NT5C3A: variants seen among roughly 807,000 people sequenced by gnomAD.
NT5C3A encodes cytosolic 5'-nucleotidase 3A.
NT5C3A carries 23 observed loss-of-function variants against 40.0 expected under a neutral mutation model. The observed-to-expected ratio is 0.58, with a 90% CI of 0.41 to 0.81. The LOEUF is 0.81. NT5C3A is among the 40% of genes least tolerant of loss of function. NT5C3A has a pLI of 0.00. For synonymous variants in NT5C3A, 130 were observed against 141.4 expected, an observed-to-expected ratio of 0.92 and a Z score of 0.57; for missense variants, 328 against 403.0, an observed-to-expected ratio of 0.81 and a Z score of 1.59.
chr7:33,026,522 T>C (rs1785943756), intron 2 of NT5C3A, among the ~76,000 whole-genome samples: 1 of 151,844 alleles, frequency 6.6e-6, no homozygotes, highest in South Asian at 2.1e-4. Flanking sequence ...GCCCGGCTAA[T>C]TTTTGTATTT....
At chr7:33,017,697 T>A in intron 6 of NT5C3A, 96 bp from the exon 7 acceptor site, 1 of 940,704 alleles carries the variant, frequency 1.1e-6, no homozygotes, top group Non-Finnish European at 1.7e-6. Context: ...AGTAATTCTA[T>A]GGCTCACTCA....
intron 1 of NT5C3A, among the ~76,000 whole-genome samples, chr7:33,058,212 T>C (rs1054273103): frequency 6.6e-6 from 1 of 152,130 alleles, no homozygotes; most frequent in Non-Finnish European, 1.5e-5. Context: ...TCAGATTAAC[T>C]GGATAGAAGT....
At position 33,021,307 on chromosome 7, in the gene NT5C3A, A is replaced by G. The variant is rs768774311; in HGVS notation, c.405T>C (p.Leu135=). 6.2e-7 allele frequency: 1 copy of G among 1,612,496 alleles called. No homozygotes were observed. Among genetic ancestry groups the G allele is most frequent in the African/African-American group, 1.3e-5 (1 of 74,998 alleles). The change falls in exon 5 of 9, where the codon CTT becomes CTC. Residue 135 remains leucine, a synonymous_variant. Transcript: ENST00000610140. Reference sequence around the variant, plus strand: ...TATAAGGGTACTTCTCTTCTACAGTAAGAACAGGATCAACTTCAATAGCGT... The same window carrying G: ...TATAAGGGTACTTCTCTTCTACAGTGAGAACAGGATCAACTTCAATAGCGT... ...KYYAIEVDPV[L]TVEEKYPYMV...
intron 1 of NT5C3A, chr7:33,036,209 C>T (rs1480113751): frequency 3.6e-6 from 2 of 548,962 alleles, no homozygotes; most frequent in Non-Finnish European, 3.2e-6. Context: ...CAAGGAAGAT[C>T]ACTTAGTCCA....
chr7:33,029,583 C>T (rs572047159), intron 1 of NT5C3A: 1 of 1,065,336 alleles, frequency 9.4e-7, no homozygotes, highest in Admixed American at 2.3e-5. Flanking sequence ...TATTTTTTCA[C>T]CAAAAAAATT....
At chr7:33,061,002 G>A (rs963970793) in intron 1 of NT5C3A, among the ~76,000 whole-genome samples, 2 of 152,146 alleles carry the variant, frequency 1.3e-5, no homozygotes, top group African/African-American at 4.8e-5. Context: ...ATTCTAGATA[G>A]GTCTTCATTA....
chr7:33,041,570 T>C (rs997167615), intron 1 of NT5C3A, among the ~76,000 whole-genome samples: 1 of 152,168 alleles, frequency 6.6e-6, no homozygotes, highest in South Asian at 2.1e-4. Context: ...AAACTGTTAA[T>C]AGTCTTTATC....
At chr7:33,060,165 C>A (rs997834458) in intron 1 of NT5C3A, among the ~76,000 whole-genome samples, 1 of 152,146 alleles carries the variant, frequency 6.6e-6, no homozygotes, top group Non-Finnish European at 1.5e-5. Flanking sequence ...GCCGCCCAGG[C>A]TGGTCTCGAA....
intron 1 of NT5C3A, among the ~76,000 whole-genome samples, chr7:33,031,922 C>T (rs183554165): frequency 6.6e-6 from 1 of 152,044 alleles, no homozygotes; most frequent in African/African-American, 2.4e-5. Context: ...GTCAGGAGTT[C>T]AAGACCAGCC....
intron 4 of NT5C3A, chr7:33,021,822 T>A: frequency 1.9e-6 from 1 of 518,074 alleles, no homozygotes; most frequent in South Asian, 2.4e-5. Flanking sequence ...CATTTAAGAG[T>A]TTTAAATATA....
rs1003809319 is a variant in NT5C3A at position 33,014,735 on chromosome 7, G to T, written c.991C>A (p.Leu331Ile). 4 of 1,611,722 alleles carry T rather than the reference G, an allele frequency of 2.5e-6. No homozygotes were observed. The African/African-American group carries it at 5.3e-5, about 22-fold the overall frequency. Residue 331 changes from leucine to isoleucine, a missense_variant, in exon 9 of 9, where the codon CTA (leucine) becomes ATA (isoleucine). Leu to Ile is a conservative substitution (Grantham distance 5). Around this residue, in one of 3 missense-constraint regions of NT5C3A, gnomAD observed 36 missense variants for 51.1 expected, o/e 0.70. Coordinates refer to ENST00000610140, the MANE Select transcript of NT5C3A (RefSeq NM_001002010.5). ...TCTTCTTGGAGAATGCTTGTTTATA[G>T]AATCTTCTGTAAAATAGAGTTGGCT... is the stretch of plus-strand genomic sequence containing the variant. ...EVANSILQKI[L>I] is the part of the protein sequence containing the mutation.
At chr7:33,020,124 G>C (rs1785544720) in intron 5 of NT5C3A, among the ~76,000 whole-genome samples, 1 of 152,108 alleles carries the variant, frequency 6.6e-6, no homozygotes, top group Non-Finnish European at 1.5e-5. Flanking sequence ...TACTGAAGAT[G>C]CTACTTAGTG....
intron 8 of NT5C3A, 121 bp from the exon 9 acceptor site, chr7:33,014,952 A>C (rs1053724005): frequency 3.8e-5 from 32 of 851,596 alleles, no homozygotes; most frequent in East Asian, 5.3e-5. Flanking sequence ...ACTTTCAAAA[A>C]ATCTTTGAAA....
At chr7:33,038,489 C>T (rs1786727515) in intron 1 of NT5C3A, among the ~76,000 whole-genome samples, 1 of 148,210 alleles carries the variant, frequency 6.7e-6, no homozygotes, top group African/African-American at 2.5e-5. Flanking sequence ...TGATGGCCAA[C>T]TTTAGGACCT....
intron 1 of NT5C3A, among the ~76,000 whole-genome samples, chr7:33,050,723 G>A (rs1286435113): frequency 1.3e-5 from 2 of 152,046 alleles, no homozygotes; most frequent in African/African-American, 4.8e-5. Context: ...TTGAAAATGA[G>A]GAAGATAAAC....
intron 6 of NT5C3A, 137 bp downstream of exon 6, chr7:33,019,498 T>C: frequency 1.5e-6 from 1 of 685,482 alleles, no homozygotes; most frequent in Non-Finnish European, 2.7e-6. Flanking sequence ...ACTATGTATT[T>C]TGTGATAGGT....
chr7:33,014,855 AAATT>A (rs1335679177), intron 8 of NT5C3A, 24 bp from the exon 9 acceptor site: 1 of 1,588,518 alleles, frequency 6.3e-7, no homozygotes, highest in East Asian at 2.2e-5. Flanking sequence ...GAACAAAAGA[AAATT>A]AACATGCAGG....
chr7:33,043,748 T>A (rs1787025063), intron 1 of NT5C3A, among the ~76,000 whole-genome samples: 1 of 152,106 alleles, frequency 6.6e-6, no homozygotes, highest in Non-Finnish European at 1.5e-5. Flanking sequence ...ATCTTTTTAA[T>A]TCCACCCAGT....
chr7:33,052,387 GCAC>G (rs67235918), intron 1 of NT5C3A, among the ~76,000 whole-genome samples: 104,135 of 149,446 alleles, frequency 0.7, 36,263 homozygotes, highest in Admixed American at 0.74. Flanking sequence ...GGTGGCTGAG[GCAC>G]CACGAGTATC....
Sources: gnomAD v4.1 joint callset for allele counts (sites outside exome capture counted in the v4.1 genomes callset) on GRCh38, gnomAD v4.1.1 for gene constraint, gnomAD v4.1.1 regional missense constraint, MANE v1.5 for transcripts, NCBI Gene and HGNC (gene_info 2026-07-23, HGNC 2026-07-21) for gene names.